The following GTPBP8 variants were observed in gnomAD, a reference collection of about 807,000 sequenced individuals.
GTPBP8 encodes GTP-binding protein 8.
Under a neutral mutation model 27.3 loss-of-function variants are expected in GTPBP8, and 21 were observed. The ratio of observed to expected loss-of-function variants is 0.77; its 90% CI spans 0.55 to 1.11. GTPBP8 has a LOEUF of 1.11. Among genes scored for constraint, GTPBP8 ranks in the 50% least tolerant of loss-of-function variants. The pLI, the probability that GTPBP8 is intolerant of heterozygous loss-of-function variation, is 0.00. For missense variants in GTPBP8, 380 were observed against 350.8 expected (o/e 1.08, Z -0.67); for synonymous variants, 147 against 135.3 (o/e 1.09, Z -0.60).
intron 1 of GTPBP8, 67 bp downstream of exon 1, chr3:112,991,402 C>T: frequency 7.0e-7 from 1 of 1,432,014 alleles, no homozygotes; most frequent in South Asian, 1.2e-5. Context: ...CCCTGGCCGT[C>T]CGGCTCGCGG....
Position 112,993,905 on chromosome 3 carries a change from C to T in GTPBP8, c.435+781C>T, listed in dbSNP as rs1461033158. Among the ~76,000 whole-genome samples, 3 of 152,324 alleles carry T rather than the reference C, an allele frequency of 2.0e-5. No individual in the cohort carries two copies. The East Asian group carries it at 5.8e-4, about 29-fold the overall frequency. ...CCTCCCATCCTTACTCCTGCCCCGC[C>T]TCACCAAATAAATCAGCCAAATGAT... On this transcript the variant is annotated intron_variant, in intron 2 of 5. Transcript: ENST00000383678.
chr3:112,991,018 C>G lies in GTPBP8; in HGVS notation c.19C>G (p.Arg7Gly). 1 of 1,594,456 alleles carries G rather than the reference C, an allele frequency of 6.3e-7. No homozygotes were observed. Among genetic ancestry groups the G allele is most frequent in the Non-Finnish European group, 8.6e-7 (1 of 1,167,254 alleles). Reference protein sequence around the residue: MAAPGLRLGAGRLFEMP... With the variant: MAAPGLGLGAGRLFEMP... ...AGGGAGAATGGCGGCGCCCGGGCTG[C>G]GGCTGGGAGCGGGAAGACTCTTTGA... The change falls in exon 1 of 6, where the codon CGG becomes GGG. Residue 7 changes from arginine (R) to glycine (G), a missense_variant. Coordinates refer to ENST00000383678, the MANE Select transcript of GTPBP8 (RefSeq NM_014170.4).
At position 112,991,005 on chromosome 3, in the gene GTPBP8, G is replaced by C. The variant is rs147735880; in HGVS notation, c.6G>C (p.Ala2=). The change falls in exon 1 of 6, where the codon GCG becomes GCC. Residue 2 remains alanine, a synonymous_variant. Coordinates refer to ENST00000383678, the MANE Select transcript of GTPBP8 (RefSeq NM_014170.4). Reference sequence around the variant, plus strand: ...CCGTCTTCTGGGAAGGGAGAATGGCGGCGCCCGGGCTGCGGCTGGGAGCGG... The same window carrying C: ...CCGTCTTCTGGGAAGGGAGAATGGCCGCGCCCGGGCTGCGGCTGGGAGCGG... The part of the protein sequence containing the change: M[A]APGLRLGAGR... 181 of 1,590,530 alleles carry C rather than the reference G, an allele frequency of 1.1e-4. No homozygotes were observed. In the African/African-American group the frequency reaches 2.2e-3, roughly 20 times the overall value.
intron 3 of GTPBP8, among the ~76,000 whole-genome samples, chr3:112,996,568 TCTC>T (rs1933791015): frequency 6.6e-6 from 1 of 152,226 alleles, no homozygotes; most frequent in Non-Finnish European, 1.5e-5. Flanking sequence ...TGTATCTCTT[TCTC>T]CTCCTCGAGT....
At chr3:113,000,776 ATTTT>A (rs1933886904) in intron 5 of GTPBP8, 70 bp from the exon 6 acceptor site, 3 of 900,554 alleles carry the variant, frequency 3.3e-6, no homozygotes, top group Non-Finnish European at 5.3e-6. Flanking sequence ...GAATTTGTAA[ATTTT>A]TTTAAGTTGA....
intron 4 of GTPBP8, among the ~76,000 whole-genome samples, chr3:112,997,408 A>G (rs1448290390): frequency 6.6e-6 from 1 of 152,238 alleles, no homozygotes; most frequent in Non-Finnish European, 1.5e-5. Context: ...AAACTTTAAA[A>G]TTGTTCCAGG....
At chr3:112,996,378 A>G (rs1159425542) in intron 3 of GTPBP8, among the ~76,000 whole-genome samples, 3 of 152,096 alleles carry the variant, frequency 2.0e-5, no homozygotes, top group Admixed American at 1.3e-4. Flanking sequence ...AGGCAGGACA[A>G]TCACTCAAAC....
intron 2 of GTPBP8, 128 bp from the exon 3 acceptor site, chr3:112,995,007 A>T (rs1933756607): frequency 3.2e-6 from 2 of 616,936 alleles, no homozygotes; most frequent in South Asian, 5.0e-5. Context: ...TGTCATCATC[A>T]GCATAGTTAA....
In GTPBP8 at chr3:112,995,129, T is replaced by C. The variant is rs1230682441; in HGVS notation, c.436-6T>C. On this transcript the variant is annotated splice_polypyrimidine_tract_variant and splice_region_variant and intron_variant, in intron 2 of 5. Coordinates refer to ENST00000383678, the MANE Select transcript of GTPBP8 (RefSeq NM_014170.4). Reference sequence around the variant, plus strand: ...ACAGCTTTTCTTTTTCTATTTACTTTATCAGGGACACACAAAGAAAATGAA... The same window carrying C: ...ACAGCTTTTCTTTTTCTATTTACTTCATCAGGGACACACAAAGAAAATGAA... 1.3e-6 allele frequency: 2 copies of C among 1,575,176 alleles called. No individual in the cohort carries two copies. The highest frequency in any genetic ancestry group is 1.7e-4 in the Middle Eastern group (1 of 5,874).
At chr3:112,997,965 G>A (rs1933818962) in intron 4 of GTPBP8, among the ~76,000 whole-genome samples, 1 of 152,136 alleles carries the variant, frequency 6.6e-6, no homozygotes, top group Admixed American at 6.5e-5. Flanking sequence ...AAAGGAATTG[G>A]AATAGAAAAG....
chr3:112,997,031 T>G (rs780777836), intron 4 of GTPBP8, 40 bp downstream of exon 4: 3 of 916,936 alleles, frequency 3.3e-6, no homozygotes, highest in Non-Finnish European at 5.5e-6. Context: ...ATTAGAAATA[T>G]CAGTTCTACG....
Position 113,000,888 on chromosome 3 carries a change from T to C in GTPBP8, c.824T>C (p.Phe275Ser). The change falls in exon 6 of 6, where the codon TTT becomes TCT. Residue 275 changes from phenylalanine to serine, a missense_variant. Phe to Ser is a radical substitution (Grantham distance 155). Coordinates refer to ENST00000383678, the MANE Select transcript of GTPBP8 (RefSeq NM_014170.4). ...TCTGGAATCCACCTGTTGAGATGCT[T>C]TATAGCCAGTGTAACAGGAAGTCTT... is the stretch of plus-strand genomic sequence containing the variant. ...TFSGIHLLRCFIASVTGSLD is the reference protein window; with the variant it reads ...TFSGIHLLRCSIASVTGSLD 2 of 1,599,158 alleles carry C rather than the reference T, an allele frequency of 1.3e-6. No homozygotes were observed. The highest frequency in any genetic ancestry group is 1.7e-6 in the Non-Finnish European group (2 of 1,167,934).
At chr3:112,998,581 T>TCCCCCAG (rs1933831084) in intron 4 of GTPBP8, among the ~76,000 whole-genome samples, 1 of 152,052 alleles carries the variant, frequency 6.6e-6, no homozygotes, top group Non-Finnish European at 1.5e-5. Context: ...GGACCCTCTC[T>TCCCCCAG]GGAATGAGGG....
Position 113,001,391 on chromosome 3 carries a change from T to TTTGA in GTPBP8, c.*473_*476dup, listed in dbSNP as rs1203481860. ...GTAAGCCTATTTTTTTGAGTCCTTA[T>TTTGA]TTGAATATTGAAAACATTCTTGATA... is the stretch of plus-strand genomic sequence containing the variant. On this transcript the variant is annotated 3_prime_UTR_variant, in exon 6 of 6. Coordinates refer to ENST00000383678, the MANE Select transcript of GTPBP8 (RefSeq NM_014170.4). 2 of 152,336 alleles carry TTTGA rather than the reference T, an allele frequency of 1.3e-5. No individual in the cohort carries two copies. Among genetic ancestry groups the TTTGA allele is most frequent in the Non-Finnish European group, 2.9e-5 (2 of 68,136 alleles). The allele number at this position is 152,336 out of a possible 1,614,324, so 9.4% of individuals were successfully genotyped here.
chr3:112,993,591 T>TCATTTTCTAATTCCCTCTACTTTCTTC, intron 2 of GTPBP8, among the ~76,000 whole-genome samples: 1 of 152,244 alleles, frequency 6.6e-6, no homozygotes, highest in Non-Finnish European at 1.5e-5. Context: ...TAGCTTTCTT[T>TCATTTTCTAATTCCCTCTACTTTCTTC]CATTTTCTAA....
At chr3:112,995,648 C>T (rs935096258) in intron 3 of GTPBP8, among the ~76,000 whole-genome samples, 3 of 151,878 alleles carry the variant, frequency 2.0e-5, no homozygotes, top group East Asian at 1.9e-4. Flanking sequence ...GTGATTCTCC[C>T]GCCTCAGCCT....
At chr3:113,000,471 G>T (rs538522599) in intron 5 of GTPBP8, among the ~76,000 whole-genome samples, 1 of 152,168 alleles carries the variant, frequency 6.6e-6, no homozygotes, top group Non-Finnish European at 1.5e-5. Flanking sequence ...ATGGATATAG[G>T]AAGACAGATA....
Position 112,991,037 on chromosome 3 carries a change from T to C in GTPBP8, c.38T>C (p.Leu13Pro). ...APGLRLGAGR[L>P]FEMPAVLERL... ...GGGCTGCGGCTGGGAGCGGGAAGAC[T>C]CTTTGAAATGCCTGCGGTGCTAGAG... The change falls in exon 1 of 6, where the codon CTC becomes CCC. Residue 13 changes from leucine (L) to proline (P), a missense_variant. Transcript: ENST00000383678. 1 of 1,606,064 alleles carries C rather than the reference T, an allele frequency of 6.2e-7. No individual in the cohort carries two copies. The highest frequency in any genetic ancestry group is 8.5e-7 in the Non-Finnish European group (1 of 1,174,334).
chr3:112,996,846 G>C, intron 3 of GTPBP8, 46 bp from the exon 4 acceptor site: 1 of 820,618 alleles, frequency 1.2e-6, no homozygotes, highest in Non-Finnish European at 2.2e-6. Flanking sequence ...TAAATGAATG[G>C]GTATATTTTA....
Sources: gnomAD v4.1 joint callset for allele counts (sites outside exome capture counted in the v4.1 genomes callset) on GRCh38, gnomAD v4.1.1 for gene constraint, MANE v1.5 for transcripts, NCBI Gene and HGNC (gene_info 2026-07-23, HGNC 2026-07-21) for gene names.